The following RBL1 variants were observed in gnomAD, a reference collection of about 807,000 sequenced individuals.
RBL1 encodes the protein retinoblastoma-like protein 1.
RBL1 carries 82 observed loss-of-function variants against 123.0 expected under a neutral mutation model. That is an observed-to-expected ratio of 0.67 (90% CI 0.56 to 0.80). The LOEUF is 0.80. Ranked by LOEUF, RBL1 falls within the 30% of genes least tolerant of loss-of-function variation. RBL1 has a pLI of 0.00. For synonymous variants in RBL1, 405 were observed against 441.3 expected (o/e 0.92, Z 1.03); for missense variants, 1,171 against 1,299.6 (o/e 0.90, Z 1.52).
At chr20:37,020,877 T>C in intron 17 of RBL1, 147 bp from the exon 18 acceptor site, 1 of 566,228 alleles carries the variant, frequency 1.8e-6, no homozygotes, top group Middle Eastern at 2.7e-4. Flanking sequence ...CCACTAACAT[T>C]TATGATTTTT....
intron 2 of RBL1, among the ~76,000 whole-genome samples, chr20:37,077,255 A>C (rs2065379345): frequency 6.6e-6 from 1 of 152,132 alleles, no homozygotes; most frequent in Non-Finnish European, 1.5e-5. Context: ...ATACATGTAT[A>C]CTGTATATAC....
At chr20:37,015,662 C>A (rs984497900) in intron 19 of RBL1, among the ~76,000 whole-genome samples, 6 of 152,070 alleles carry the variant, frequency 3.9e-5, no homozygotes, top group African/African-American at 1.4e-4. Context: ...GATCTCCTGA[C>A]CTCATGATCC....
chr20:37,049,215 C>CA (rs2064863909), intron 11 of RBL1: 1 of 412,216 alleles, frequency 2.4e-6, no homozygotes, highest in South Asian at 2.9e-5. Context: ...AAACAAAAAA[C>CA]AAAAAACAAA....
intron 19 of RBL1, among the ~76,000 whole-genome samples, chr20:37,011,857 T>G (rs1172499187): frequency 6.6e-6 from 1 of 152,144 alleles, no homozygotes; most frequent in African/African-American, 2.4e-5. Context: ...AATATTTGAC[T>G]CCCTCTCCCA....
At chr20:37,049,714 A>G (rs2064874979) in intron 11 of RBL1, 1 of 673,178 alleles carries the variant, frequency 1.5e-6, no homozygotes. Context: ...CTAACTGTGT[A>G]TGAGTTAATA....
intron 20 of RBL1, among the ~76,000 whole-genome samples, chr20:37,006,264 G>A (rs1290758002): frequency 2.7e-5 from 4 of 149,454 alleles, no homozygotes; most frequent in Non-Finnish European, 5.9e-5. Context: ...GCAGTGGCGC[G>A]ATCTCTGCTC....
rs1236452625 is a variant in RBL1 at position 37,007,339 on chromosome 20, C to G, written c.2871+72G>C. ...AGTAATTTTACTTGGACATATTTAT[C>G]TAGCAAAATAAACTTATAGTAATCC... On this transcript the variant is annotated intron_variant, in intron 20 of 21. Transcript: ENST00000373664. The G allele has an allele frequency of 5.3e-6, 8 of 1,504,106 alleles. No homozygotes were observed. In the South Asian group the frequency reaches 8.3e-5, roughly 16 times the overall value. The allele number at this position is 1,504,106 out of a possible 1,614,324, so 93.2% of individuals were successfully genotyped here.
chr20:37,080,972 T>C (rs1012645699), intron 2 of RBL1, among the ~76,000 whole-genome samples: 5 of 152,148 alleles, frequency 3.3e-5, no homozygotes, highest in Non-Finnish European at 5.9e-5. Flanking sequence ...CCTGTATGCA[T>C]TGGGTGAAAT....
At chr20:37,016,800 A>G (rs932424164) in intron 19 of RBL1, among the ~76,000 whole-genome samples, 1 of 151,876 alleles carries the variant, frequency 6.6e-6, no homozygotes, top group African/African-American at 2.4e-5. Flanking sequence ...ACTGAGATGA[A>G]AGGAGCACCG....
intron 1 of RBL1, among the ~76,000 whole-genome samples, chr20:37,092,389 G>A (rs1229900137): frequency 1.3e-5 from 2 of 151,754 alleles, no homozygotes; most frequent in Non-Finnish European, 2.9e-5. Flanking sequence ...CCAGGCTGGA[G>A]TGCAGTGGTA....
intron 11 of RBL1, among the ~76,000 whole-genome samples, chr20:37,051,655 C>T (rs933408578): frequency 6.6e-6 from 1 of 150,526 alleles, no homozygotes; most frequent in African/African-American, 2.5e-5. Context: ...AAAATCTTTA[C>T]AAGGCTCTAA....
chr20:37,038,242 T>C (rs1423616551), intron 14 of RBL1, among the ~76,000 whole-genome samples: 1 of 150,474 alleles, frequency 6.6e-6, no homozygotes, highest in Non-Finnish European at 1.5e-5. Flanking sequence ...TCCACCTGCC[T>C]CGGCCTCCCA....
intron 17 of RBL1, among the ~76,000 whole-genome samples, chr20:37,021,249 G>A (rs758184496): frequency 6.6e-6 from 1 of 152,100 alleles, no homozygotes; most frequent in African/African-American, 2.4e-5. Flanking sequence ...AAATGGATTA[G>A]TGATCCAAAA....
intron 19 of RBL1, among the ~76,000 whole-genome samples, chr20:37,009,716 GTCTC>G (rs2064123520): frequency 1.3e-5 from 2 of 152,062 alleles, no homozygotes; most frequent in South Asian, 4.1e-4. Flanking sequence ...AGACTATAGT[GTCTC>G]TATATTTCTG....
chr20:37,095,878 G>A lies in RBL1; in HGVS notation c.51C>T (p.Ala17=), dbSNP rs780768436. 1.2e-6 allele frequency: 2 copies of A among 1,604,216 alleles called. No individual in the cohort carries two copies. The highest frequency in any genetic ancestry group is 1.7e-6 in the Non-Finnish European group (2 of 1,176,248). The change falls in exon 1 of 22, where the codon GCC becomes GCT. Residue 17 remains alanine, a synonymous_variant. Transcript: ENST00000373664. ...HAEGAAVVAA[A]GEALQALCQE... is the part of the protein sequence containing the mutation. ...GGCACAGGGCCTGTAGCGCCTCCCC[G>A]GCTGCGGCGACCACCGCCGCCCCCT...
Position 37,012,931 on chromosome 20 carries a change from C to A in RBL1, c.2722+5348G>T, listed in dbSNP as rs545299644. Among the ~76,000 whole-genome samples the A allele has an allele frequency of 2.7e-4, 40 of 148,908 alleles. 1 individual carries two copies. The South Asian group carries it at 8.3e-3, about 31-fold the overall frequency. On this transcript the variant is annotated intron_variant, in intron 19 of 21. Coordinates refer to ENST00000373664, the MANE Select transcript of RBL1 (RefSeq NM_002895.5). ...GAGGGAGGTGGGGGGTTCAGCCCCC[C>A]CGCCAGCCAGCCGCCCCGTCCGGGA...
chr20:37,022,161 G>A (rs1239257438), intron 17 of RBL1, among the ~76,000 whole-genome samples: 2 of 152,096 alleles, frequency 1.3e-5, no homozygotes, highest in Non-Finnish European at 2.9e-5. Context: ...CTGCCAGTGT[G>A]GCCAGTACAG....
In RBL1 at chr20:37,035,236, C is replaced by T. The variant is rs151249684; in HGVS notation, c.2170+6G>A. 2.5e-4 allele frequency: 405 copies of T among 1,608,408 alleles called. 3 individuals carry two copies. In the East Asian group the frequency reaches 6.5e-3, roughly 26 times the overall value. On this transcript the variant is annotated splice_donor_region_variant and intron_variant, in intron 15 of 21. Coordinates refer to ENST00000373664, the MANE Select transcript of RBL1 (RefSeq NM_002895.5). ...AAAGTACAAAACAAATGCACTATAACGTTACCATGTAATGGAATTGTAACT... is the reference window on the plus strand; with the variant it reads ...AAAGTACAAAACAAATGCACTATAATGTTACCATGTAATGGAATTGTAACT...
At position 37,044,096 on chromosome 20, in the gene RBL1, G is replaced by A. The variant is rs1480915806; in HGVS notation, c.1760C>T (p.Thr587Ile). ...ALQVSANKVP[T>I]CEEVIFPNNF... The stretch of plus-strand genomic sequence containing the variant: ...CTTGCCCAGACTCACTTCTTCACAG[G>A]TAGGAACTTTGTTTGCAGAAACCTG... Residue 587 changes from threonine (T) to isoleucine (I), a missense_variant, in exon 13 of 22, where the codon ACC becomes ATC. Transcript: ENST00000373664. 5 of 1,605,240 alleles carry A rather than the reference G, an allele frequency of 3.1e-6. No individual in the cohort carries two copies. The Admixed American group carries it at 6.8e-5, about 22-fold the overall frequency.
Sources: gnomAD v4.1 joint callset for allele counts (sites outside exome capture counted in the v4.1 genomes callset) on GRCh38, gnomAD v4.1.1 for gene constraint, MANE v1.5 for transcripts, NCBI Gene and HGNC (gene_info 2026-07-23, HGNC 2026-07-21) for gene names.